CLEC16A: variants seen among roughly 807,000 people sequenced by gnomAD.
The protein encoded by CLEC16A is C-type lectin domain containing 16A, also known as protein CLEC16A.
In CLEC16A, 51 loss-of-function variants were observed where a neutral mutation model predicts 109.5. The ratio of observed to expected loss-of-function variants is 0.47; its 90% CI spans 0.37 to 0.59. The LOEUF is 0.59. Ranked by LOEUF, CLEC16A falls within the 20% of genes least tolerant of loss-of-function variation. The probability of loss-of-function intolerance (pLI) is 0.00; values close to 1 mark genes in which losing one functional copy is unlikely to be tolerated. For synonymous variants in CLEC16A, 673 were observed against 564.2 expected, an observed-to-expected ratio of 1.19 and a Z score of -2.73; for missense variants, 1,339 against 1,394.0, an observed-to-expected ratio of 0.96 and a Z score of 0.63.
At chr16:11,052,233 C>G (rs372593292) in intron 18 of CLEC16A, among the ~76,000 whole-genome samples, 2 of 152,268 alleles carry the variant, frequency 1.3e-5, no homozygotes, top group East Asian at 3.9e-4. Flanking sequence ...TATTTTATCT[C>G]CCGGGTAAGA....
intron 19 of CLEC16A, among the ~76,000 whole-genome samples, chr16:11,098,586 C>A (rs1261045483): frequency 6.6e-6 from 1 of 152,206 alleles, no homozygotes; most frequent in Non-Finnish European, 1.5e-5. Context: ...TGTCCATAGA[C>A]CCTCCAGGGC....
chr16:11,139,283 G>C (rs1022059206), intron 22 of CLEC16A, among the ~76,000 whole-genome samples: 1 of 152,150 alleles, frequency 6.6e-6, no homozygotes, highest in African/African-American at 2.4e-5. Context: ...AGACACCAGT[G>C]GGTTCTGTTC....
At chr16:11,125,928 C>T (rs1263664001) in intron 21 of CLEC16A, 51 bp from the exon 22 acceptor site, 2 of 661,992 alleles carry the variant, frequency 3.0e-6, no homozygotes, top group Non-Finnish European at 2.1e-6. Flanking sequence ...TTCTCACCAC[C>T]CCCCTCTATC....
intron 19 of CLEC16A, among the ~76,000 whole-genome samples, 169 bp from the exon 20 acceptor site, chr16:11,120,446 T>A (rs1383018446): frequency 1.3e-5 from 2 of 152,196 alleles, no homozygotes; most frequent in Admixed American, 1.3e-4. Context: ...AAAGAAACTT[T>A]CCCGGCATAA....
intron 22 of CLEC16A, among the ~76,000 whole-genome samples, chr16:11,152,818 G>T (rs1015558942): frequency 1.3e-5 from 2 of 152,172 alleles, no homozygotes; most frequent in African/African-American, 4.8e-5. Context: ...GCTCCCCTGT[G>T]TCAAAGGGGA....
intron 22 of CLEC16A, among the ~76,000 whole-genome samples, chr16:11,155,329 G>T (rs1178662850): frequency 6.6e-6 from 1 of 152,130 alleles, no homozygotes; most frequent in Non-Finnish European, 1.5e-5. Flanking sequence ...ACAGGCTCGT[G>T]GGGTGAACAG....
At chr16:11,109,722 G>T (rs1178468058) in intron 19 of CLEC16A, among the ~76,000 whole-genome samples, 2 of 152,202 alleles carry the variant, frequency 1.3e-5, no homozygotes, top group African/African-American at 4.8e-5. Flanking sequence ...TATCAGCTGT[G>T]GGCCCTGCTC....
Position 10,991,562 on chromosome 16 carries a change from G to A in CLEC16A, c.1071+8571G>A, listed in dbSNP as rs2044015129. 2.0e-5 allele frequency among the ~76,000 whole-genome samples: 3 copies of A among 152,126 alleles called. No homozygotes were observed. In the South Asian group the frequency reaches 6.2e-4, roughly 31 times the overall value. On this transcript the variant is annotated intron_variant, in intron 10 of 23. Coordinates refer to ENST00000409790, the MANE Select transcript of CLEC16A (RefSeq NM_015226.3). ...GGAGATGAGGTTGGAGAGAACAAGTGTCCAAGGGACATGGCACCTATGTGC... is the reference window on the plus strand; with the variant it reads ...GGAGATGAGGTTGGAGAGAACAAGTATCCAAGGGACATGGCACCTATGTGC...
At chr16:11,043,842 C>A (rs1340771136) in intron 15 of CLEC16A, among the ~76,000 whole-genome samples, 186 bp from the exon 16 acceptor site, 2 of 151,868 alleles carry the variant, frequency 1.3e-5, no homozygotes, top group African/African-American at 4.8e-5. Flanking sequence ...TCCATGCACT[C>A]CAGCCTGGGT....
Position 11,149,137 on chromosome 16 carries a change from C to T in CLEC16A, c.2642-17251C>T, listed in dbSNP as rs535402619. Among the ~76,000 whole-genome samples, 33 of 152,296 alleles carry T rather than the reference C, an allele frequency of 2.2e-4. No homozygotes were observed. In the South Asian group the frequency reaches 6.6e-3, roughly 31 times the overall value. ...AGGCCAGGGGAGGGGCCAGGCTTCACAGCCAGGGAGGTGTGGGGCTGTCGG... is the reference window on the plus strand; with the variant it reads ...AGGCCAGGGGAGGGGCCAGGCTTCATAGCCAGGGAGGTGTGGGGCTGTCGG... On this transcript the variant is annotated intron_variant, in intron 22 of 23. Transcript: ENST00000409790.
Position 11,027,625 on chromosome 16 carries a change from A to C in CLEC16A, c.1537+2704A>C, listed in dbSNP as rs549687279. On this transcript the variant is annotated intron_variant, in intron 13 of 23. Transcript: ENST00000409790. ...GCATTCCCAGGGAAGCATTTCCAGG[A>C]GATCTCATGGTTCTTGCGCCCTTTC... 281 of 1,558,684 alleles carry C rather than the reference A, an allele frequency of 1.8e-4. 1 individual carries two copies. The African/African-American group carries it at 3.4e-3, about 19-fold the overall frequency.
At chr16:10,945,769 G>A (rs940468392) in intron 1 of CLEC16A, among the ~76,000 whole-genome samples, 3 of 152,074 alleles carry the variant, frequency 2.0e-5, no homozygotes, top group South Asian at 2.1e-4. Context: ...CCTACCTAAC[G>A]TGCTCCCCCC....
chr16:11,180,275 G>C lies in CLEC16A; in HGVS notation c.*1585G>C, dbSNP rs2141066492. 6.6e-6 allele frequency: 1 copy of C among 152,566 alleles called. No individual in the cohort carries two copies. Among genetic ancestry groups the C allele is most frequent in the South Asian group, 2.1e-4 (1 of 4,832 alleles). The allele number at this position is 152,566 out of a possible 1,614,324, so 9.5% of individuals were successfully genotyped here. On this transcript the variant is annotated 3_prime_UTR_variant, in exon 24 of 24. Transcript: ENST00000409790. ...AACACAGTCCTGCCAAGGAGGGGGA[G>C]TGGCGCCCATGGGGACAGGCCTCAG...
At chr16:11,005,211 A>C (rs963543951) in intron 11 of CLEC16A, among the ~76,000 whole-genome samples, 6 of 152,220 alleles carry the variant, frequency 3.9e-5, no homozygotes, top group Non-Finnish European at 4.4e-5. Context: ...TTAGTCAGCC[A>C]GCCAGCCCAG....
intron 19 of CLEC16A, among the ~76,000 whole-genome samples, chr16:11,078,147 T>TAGGCC (rs1292974844): frequency 2.6e-5 from 4 of 152,142 alleles, no homozygotes; most frequent in African/African-American, 9.7e-5. Flanking sequence ...GATTTGCTCC[T>TAGGCC]AGGCCAGGCC....
In CLEC16A at chr16:10,999,925, C is replaced by T. The variant is rs532611197; in HGVS notation, c.1072-3149C>T. On this transcript the variant is annotated intron_variant, in intron 10 of 23. Transcript: ENST00000409790. ...AATCTTGGTTTACTTCAACCTCCGC[C>T]TCCCAGGTTCGATCGATTCTCTTGC... Among the ~76,000 whole-genome samples, 12 of 152,308 alleles carry T rather than the reference C, an allele frequency of 7.9e-5. No homozygotes were observed. In the South Asian group the frequency reaches 1.9e-3, roughly 24 times the overall value.
Position 11,030,088 on chromosome 16 carries a change from C to A in CLEC16A, c.1537+5167C>A, listed in dbSNP as rs1421040346. Reference sequence around the variant, plus strand: ...TCATTTCTTCTTGCTGAGTAACATTCCATTATATGAACATACCACAGTTTA... The same window carrying A: ...TCATTTCTTCTTGCTGAGTAACATTACATTATATGAACATACCACAGTTTA... On this transcript the variant is annotated intron_variant, in intron 13 of 23. Transcript: ENST00000409790. Among the ~76,000 whole-genome samples the A allele has an allele frequency of 2.6e-5, 4 of 152,292 alleles. No individual in the cohort carries two copies. The East Asian group carries it at 7.7e-4, about 29-fold the overall frequency.
intron 19 of CLEC16A, among the ~76,000 whole-genome samples, chr16:11,072,043 G>T (rs2049103512): frequency 6.6e-6 from 1 of 152,072 alleles, no homozygotes; most frequent in Non-Finnish European, 1.5e-5. Flanking sequence ...TGTGTGTGCG[G>T]GTATAATGAG....
chr16:11,045,422 T>C (rs542930264), intron 16 of CLEC16A, among the ~76,000 whole-genome samples: 208 of 152,314 alleles, frequency 1.4e-3, no homozygotes, highest in African/African-American at 4.8e-3. Flanking sequence ...AGATTTGATA[T>C]CTTGTGAAGG....
Sources: gnomAD v4.1 joint callset for allele counts (sites outside exome capture counted in the v4.1 genomes callset) on GRCh38, gnomAD v4.1.1 for gene constraint, MANE v1.5 for transcripts, NCBI Gene and HGNC (gene_info 2026-07-23, HGNC 2026-07-21) for gene names.